PKD1: variants seen among roughly 807,000 people sequenced by gnomAD.
PKD1 encodes the protein polycystin 1, transient receptor potential channel interacting.
Under a neutral mutation model 361.7 loss-of-function variants are expected in PKD1, and 81 were observed. That is an observed-to-expected ratio of 0.22 (90% CI 0.19 to 0.27). The LOEUF is 0.27. Ranked by LOEUF, PKD1 falls within the 10% of genes least tolerant of loss-of-function variation. PKD1 has a pLI of 1.00. For synonymous variants in PKD1, 3,615 were observed against 2,818.3 expected (o/e 1.28, Z -8.95); for missense variants, 6,399 against 6,118.3 (o/e 1.05, Z -1.53).
At position 2,090,005 on chromosome 16, in the gene PKD1, G is replaced by A. The variant is rs143945578; in HGVS notation, c.12634C>T (p.Pro4212Ser). ...TCGAACACGGCTTGGAGGCGGGAGGGCTCAGGCTCACACCTTGTCCCCAGC... is the reference window on the plus strand; with the variant it reads ...TCGAACACGGCTTGGAGGCGGGAGGACTCAGGCTCACACCTTGTCCCCAGC... ...GRLGTRCEPEPSRLQAVFEAL... is the reference protein window; with the variant it reads ...GRLGTRCEPESSRLQAVFEAL... The change falls in exon 46 of 46, where the codon CCC (proline) becomes TCC (serine). Residue 4212 changes from proline (P) to serine (S), a missense_variant. Coordinates refer to ENST00000262304, the MANE Select transcript of PKD1 (RefSeq NM_001009944.3). 1.2e-6 allele frequency: 2 copies of A among 1,610,070 alleles called. No homozygotes were observed. The highest frequency in any genetic ancestry group is 1.1e-5 in the South Asian group (1 of 90,768).
At chr16:2,108,208 T>TGGACGGGTGA (rs2092409545) in intron 15 of PKD1, 44 bp downstream of exon 15, 1 of 1,556,922 alleles carries the variant, frequency 6.4e-7, no homozygotes, top group African/African-American at 1.4e-5. Context: ...CTCATGGGTG[T>TGGACGGGTGA]GGACGGGTGA....
At chr16:2,097,027 C>T (rs1467890061) in intron 34 of PKD1, 121 bp downstream of exon 34, 2 of 709,070 alleles carry the variant, frequency 2.8e-6, no homozygotes, top group African/African-American at 3.5e-5. Context: ...TGAAGTGGTG[C>T]AGCCACAGCC....
chr16:2,089,676 C>T lies in PKD1; in HGVS notation c.*51G>A. 1 of 1,547,490 alleles carries T rather than the reference C, an allele frequency of 6.5e-7. No individual in the cohort carries two copies. The highest frequency in any genetic ancestry group is 1.2e-5 in the South Asian group (1 of 83,986). ...GCCTTGACAGCGGCAGAAAGTAATA[C>T]TGAGCGGTGTCCACTCCGACTCCAC... On this transcript the variant is annotated 3_prime_UTR_variant, in exon 46 of 46. Coordinates refer to ENST00000262304, the MANE Select transcript of PKD1 (RefSeq NM_001009944.3).
At chr16:2,101,928 C>G (rs577301413) in intron 26 of PKD1, 133 bp downstream of exon 26, 1 of 680,842 alleles carries the variant, frequency 1.5e-6, no homozygotes, top group South Asian at 1.5e-5. Flanking sequence ...CCAGGATGAA[C>G]ACACGAGCCC....
In PKD1 at chr16:2,090,049, A is replaced by T; in HGVS notation, c.12590T>A (p.Leu4197Gln). The T allele has an allele frequency of 6.2e-7, 1 of 1,611,442 alleles. No individual in the cohort carries two copies. The highest frequency in any genetic ancestry group is 8.5e-7 in the Non-Finnish European group (1 of 1,179,242). The change falls in exon 46 of 46, where the codon CTG (leucine) becomes CAG (glutamine). Residue 4197 changes from leucine to glutamine, a missense_variant. Coordinates refer to ENST00000262304, the MANE Select transcript of PKD1 (RefSeq NM_001009944.3). Reference sequence around the variant, plus strand: ...CCCCAGCCGGCCCAGGCTCACGCTCAGCCCATCCAGCTGGCTGGAGGAGGT... The same window carrying T: ...CCCCAGCCGGCCCAGGCTCACGCTCTGCCCATCCAGCTGGCTGGAGGAGGT... ...PSTSSSQLDGLSVSLGRLGTR... is the reference protein window; with the variant it reads ...PSTSSSQLDGQSVSLGRLGTR...
At chr16:2,107,840 T>C (rs956194558) in intron 16 of PKD1, 43 bp downstream of exon 16, 5 of 1,529,558 alleles carry the variant, frequency 3.3e-6, no homozygotes, top group Admixed American at 3.9e-5. Context: ...CCAGGGAGGC[T>C]GGGCTGTCCA....
rs756893967 is a variant in PKD1, at chr16:2,090,426, C to T, written c.12303G>A (p.Leu4101=). Residue 4101 remains leucine, a synonymous_variant, in exon 45 of 46, where the codon CTG becomes CTA. Transcript: ENST00000262304. ...AGCGCCAGCGGAGAATAACAGCCCCCAGCCGTAGGGCGCCCCACAGCCGCA... is the reference window on the plus strand; with the variant it reads ...AGCGCCAGCGGAGAATAACAGCCCCTAGCCGTAGGGCGCCCCACAGCCGCA... ...WALRLWGALR[L]GAVILRWRYH... 3.7e-6 allele frequency: 6 copies of T among 1,612,612 alleles called. No individual in the cohort carries two copies. The highest frequency in any genetic ancestry group is 5.1e-6 in the Non-Finnish European group (6 of 1,179,902).
intron 21 of PKD1, among the ~76,000 whole-genome samples, 191 bp downstream of exon 21, chr16:2,105,131 G>A (rs2092292316): frequency 6.7e-6 from 1 of 149,792 alleles, no homozygotes. Flanking sequence ...CCCCCGAGAG[G>A]CACCCTGCGT....
intron 7 of PKD1, 51 bp downstream of exon 7, chr16:2,116,782 G>A (rs2092645055): frequency 1.6e-6 from 2 of 1,213,362 alleles, no homozygotes; most frequent in East Asian, 2.5e-5. Context: ...GCGCTCGGCA[G>A]GCCCCTAACC....
Position 2,118,439 on chromosome 16 carries a change from G to A in PKD1, c.553C>T (p.Pro185Ser). 8.3e-7 allele frequency: 1 copy of A among 1,200,022 alleles called. No individual in the cohort carries two copies. The highest frequency in any genetic ancestry group is 1.2e-6 in the Non-Finnish European group (1 of 840,582). The allele number at this position is 1,200,022 out of a possible 1,614,324, so 74.3% of individuals were successfully genotyped here. The change falls in exon 5 of 46, where the codon CCT (proline) becomes TCT (serine). Residue 185 changes from proline (P) to serine (S), a missense_variant. Coordinates refer to ENST00000262304, the MANE Select transcript of PKD1 (RefSeq NM_001009944.3). This position sits in a 1 kb window ranked among gnomAD's most constrained non-coding sequence, Gnocchi z 6.0. Reference protein sequence around the residue: ...GCGEEYVACLPDNSSGTVAAV... With the variant: ...GCGEEYVACLSDNSSGTVAAV... ...GCCACGGTGCCTGAGCTGTTGTCAG[G>A]GAGGCAGGCGACATACTCCTCACCT... is the stretch of plus-strand genomic sequence containing the variant.
intron 6 of PKD1, 27 bp downstream of exon 6, chr16:2,117,462 G>A (rs1210226768): frequency 2.2e-6 from 3 of 1,392,284 alleles, no homozygotes; most frequent in South Asian, 1.3e-5. Context: ...CCCAACCTAT[G>A]GCCCCTCGGG....
At chr16:2,105,187 C>T (rs550595632) in intron 21 of PKD1, 135 bp downstream of exon 21, 26 of 862,008 alleles carry the variant, frequency 3.0e-5, no homozygotes, top group South Asian at 9.2e-5. Context: ...GGTCAGAGAC[C>T]GAGGAACGCC....
Position 2,135,675 on chromosome 16 carries a change from C to A in PKD1, c.15G>T (p.Ala5=), listed in dbSNP as rs1456149713. 1.3e-6 allele frequency: 1 copy of A among 763,936 alleles called. No individual in the cohort carries two copies. Among genetic ancestry groups the A allele is most frequent in the Non-Finnish European group, 1.6e-6 (1 of 630,096 alleles). 47.3% of individuals were successfully genotyped at this position (763,936 alleles called of 1,614,324 possible). The change falls in exon 1 of 46, where the codon GCG becomes GCT. Residue 5 remains alanine (A), a synonymous_variant. Transcript: ENST00000262304. ...CCAGGGCCAGCGCCAGGCGGGCGGG[C>A]GCGGCGGGCGGCATCGTTAGGGCAG... MPPA[A]PARLALALGL... is the part of the protein sequence containing the mutation.
In PKD1 at chr16:2,116,608, G is replaced by C; in HGVS notation, c.1643C>G (p.Ala548Gly). The C allele has an allele frequency of 6.4e-7, 1 of 1,560,642 alleles. No individual in the cohort carries two copies. Among genetic ancestry groups the C allele is most frequent in the Non-Finnish European group, 8.6e-7 (1 of 1,157,368 alleles). The change falls in exon 8 of 46, where the codon GCG becomes GGG. Residue 548 changes from alanine to glycine, a missense_variant. Transcript: ENST00000262304. ...GGGTCCCTGCAGGTCCCCACTGGGCGCTCCCACGAGGAGGTTCTCGGCATC... is the reference window on the plus strand; with the variant it reads ...GGGTCCCTGCAGGTCCCCACTGGGCCCTCCCACGAGGAGGTTCTCGGCATC... ...VQDAENLLVG[A>G]PSGDLQGPLT...
chr16:2,125,007 T>C (rs1047286239), intron 1 of PKD1, among the ~76,000 whole-genome samples: 21 of 151,934 alleles, frequency 1.4e-4, no homozygotes, highest in Non-Finnish European at 2.5e-4. Flanking sequence ...TGGGCTGCAG[T>C]GTGGGCGCTG....
rs754982374 is a variant in PKD1 at position 2,109,432 on chromosome 16, G to C, written c.5735C>G (p.Ala1912Gly). ...GCGGAAGGTGACAGCTGAGCCGGCA[G>C]CCAGCAGGATCTGAAAATGGACCAG... ...GQLVHFQILL[A>G]AGSAVTFRLQ... Residue 1912 changes from alanine to glycine, a missense_variant, in exon 15 of 46, where the codon GCT becomes GGT. Transcript: ENST00000262304. 23 of 1,604,514 alleles carry C rather than the reference G, an allele frequency of 1.4e-5. No individual in the cohort carries two copies. Among genetic ancestry groups the C allele is most frequent in the Non-Finnish European group, 1.4e-5 (17 of 1,179,392 alleles).
rs1424929522 is a variant in PKD1, at chr16:2,111,655, G to A, written c.3512C>T (p.Thr1171Ile). The A allele has an allele frequency of 1.7e-5, 27 of 1,574,168 alleles. No homozygotes were observed. The highest frequency in any genetic ancestry group is 4.0e-5 in the African/African-American group (3 of 74,232). Reference protein sequence around the residue: ...WDFGDGSPVLTQSQPAANHTY... With the variant: ...WDFGDGSPVLIQSQPAANHTY... ...GTGGTTGGCAGCCGGCTGGCTCTGG[G>A]TCAGGACAGGGGAGCCGTCCCCGAA... The change falls in exon 15 of 46, where the codon ACC becomes ATC. Residue 1171 changes from threonine to isoleucine, a missense_variant. Physicochemically the swap from Thr to Ile is moderately conservative, Grantham distance 89. Coordinates refer to ENST00000262304, the MANE Select transcript of PKD1 (RefSeq NM_001009944.3).
Position 2,118,994 on chromosome 16 carries a change from T to C in PKD1, c.359+120A>G. On this transcript the variant is annotated intron_variant, in intron 3 of 45. Transcript: ENST00000262304. The surrounding 1 kb of genome is among the most constrained non-coding windows in gnomAD (Gnocchi z 6.0). The stretch of plus-strand genomic sequence containing the variant: ...GCACTGGGGGGCTCCAAGCAGGCAG[T>C]GAACTGCCCCCAGGATCTGGTCTCA... 1 of 907,260 alleles carries C rather than the reference T, an allele frequency of 1.1e-6. No individual in the cohort carries two copies. The highest frequency in any genetic ancestry group is 1.4e-5 in the South Asian group (1 of 71,196). The allele number at this position is 907,260 out of a possible 1,614,324, so 56.2% of individuals were successfully genotyped here.
chr16:2,094,546 T>G (rs1404951519), intron 34 of PKD1, among the ~76,000 whole-genome samples: 1 of 152,206 alleles, frequency 6.6e-6, no homozygotes, highest in Non-Finnish European at 1.5e-5. Context: ...CTGCAAACTA[T>G]GATTGGGTCT....
Sources: gnomAD v4.1 joint callset for allele counts (sites outside exome capture counted in the v4.1 genomes callset) on GRCh38, gnomAD v4.1.1 for gene constraint, Gnocchi (gnomAD v3.1) non-coding constraint, MANE v1.5 for transcripts, NCBI Gene and HGNC (gene_info 2026-07-23, HGNC 2026-07-21) for gene names.